Variants in GPC5 observed in about 807,000 individuals in gnomAD.
The protein encoded by GPC5 is glypican 5, also known as glypican-5.
A neutral mutation model predicts 53.9 loss-of-function variants in GPC5; 47 were observed. The observed-to-expected ratio is 0.87, with a 90% CI of 0.69 to 1.11. GPC5 has a LOEUF of 1.11. Ranked by LOEUF, GPC5 falls within the 50% of genes most tolerant of loss-of-function variation. GPC5 has a pLI of 0.00. For missense variants in GPC5, 748 were observed against 713.1 expected, an observed-to-expected ratio of 1.05 and a Z score of -0.56; for synonymous variants, 286 against 263.3, an observed-to-expected ratio of 1.09 and a Z score of -0.84.
At chr13:91,494,045 T>TA (rs1884095898) in intron 2 of GPC5, among the ~76,000 whole-genome samples, 1 of 151,612 alleles carries the variant, frequency 6.6e-6, no homozygotes. Context: ...GGCTAATTTT[T>TA]TTTTTATTTT....
intron 7 of GPC5, among the ~76,000 whole-genome samples, chr13:92,665,657 C>T (rs1192511713): frequency 6.6e-6 from 1 of 152,142 alleles, no homozygotes; most frequent in Non-Finnish European, 1.5e-5. Context: ...TACCATTGCT[C>T]TAAAAGGATG....
chr13:92,480,167 A>C (rs1879294563), intron 7 of GPC5, among the ~76,000 whole-genome samples: 1 of 152,142 alleles, frequency 6.6e-6, no homozygotes, highest in Admixed American at 6.6e-5. Flanking sequence ...AGAGTGAAAT[A>C]GAATCTTCAA....
chr13:92,729,653 T>C (rs1888748634), intron 7 of GPC5, among the ~76,000 whole-genome samples: 1 of 151,464 alleles, frequency 6.6e-6, no homozygotes, highest in African/African-American at 2.4e-5. Flanking sequence ...GCACCTAAGC[T>C]TTAGCAATTA....
intron 5 of GPC5, among the ~76,000 whole-genome samples, chr13:91,907,062 C>A (rs966294577): frequency 3.5e-5 from 5 of 143,552 alleles, no homozygotes; most frequent in African/African-American, 1.3e-4. Flanking sequence ...CATAACAGTG[C>A]CACAGAGGAT....
intron 7 of GPC5, among the ~76,000 whole-genome samples, chr13:92,783,611 G>T (rs1191343524): frequency 1.3e-5 from 2 of 152,058 alleles, no homozygotes; most frequent in Admixed American, 1.3e-4. Context: ...ATAATCAAAG[G>T]GCCAGAATCC....
chr13:92,013,964 T>A lies in GPC5; in HGVS notation c.1401+105907T>A, dbSNP rs1160990209. 3.3e-5 allele frequency among the ~76,000 whole-genome samples: 5 copies of A among 152,284 alleles called. No homozygotes were observed. In the East Asian group the frequency reaches 9.6e-4, roughly 29 times the overall value. On this transcript the variant is annotated intron_variant, in intron 6 of 7. Transcript: ENST00000377067. ...TTTTGCCATCAATTTAAGTAAGAGA[T>A]CATAGATATAGTGAAATCATGTTTC...
In GPC5 at chr13:91,991,891, G is replaced by A. The variant is rs568530856; in HGVS notation, c.1401+83834G>A. Among the ~76,000 whole-genome samples, 4 of 152,030 alleles carry A rather than the reference G, an allele frequency of 2.6e-5. No homozygotes were observed. The South Asian group carries it at 8.3e-4, about 32-fold the overall frequency. ...TTTATAAACATTAGTGTGTGGTTAG[G>A]AAATATGCTTTTTATTTCCAAATAA... On this transcript the variant is annotated intron_variant, in intron 6 of 7. Coordinates refer to ENST00000377067, the MANE Select transcript of GPC5 (RefSeq NM_004466.6).
chr13:92,150,919 T>C (rs1222021419), intron 7 of GPC5, among the ~76,000 whole-genome samples: 1 of 151,804 alleles, frequency 6.6e-6, no homozygotes, highest in Non-Finnish European at 1.5e-5. Flanking sequence ...CAAGCAAATA[T>C]TATCAGGTAA....
intron 7 of GPC5, among the ~76,000 whole-genome samples, chr13:92,762,241 T>C (rs1355639192): frequency 1.3e-5 from 2 of 152,024 alleles, no homozygotes; most frequent in African/African-American, 2.4e-5. Flanking sequence ...AAATACATAA[T>C]ATAAAATATG....
intron 5 of GPC5, among the ~76,000 whole-genome samples, chr13:91,840,237 A>AT (rs368487186): frequency 1.3e-5 from 2 of 151,646 alleles, no homozygotes; most frequent in Non-Finnish European, 1.5e-5. Context: ...CTCCTACTAG[A>AT]TTTAGAAGTT....
chr13:91,478,826 C>A, intron 2 of GPC5, among the ~76,000 whole-genome samples: 1 of 64,160 alleles, frequency 1.6e-5, no homozygotes, highest in East Asian at 6.0e-4. Context: ...TATATATACA[C>A]ACACACACAT....
intron 7 of GPC5, among the ~76,000 whole-genome samples, chr13:92,400,026 A>C (rs1875485979): frequency 6.6e-6 from 1 of 152,096 alleles, no homozygotes; most frequent in Non-Finnish European, 1.5e-5. Flanking sequence ...TCAAATTTGC[A>C]GTCAGCCCTG....
At chr13:92,432,053 G>T (rs1281861632) in intron 7 of GPC5, among the ~76,000 whole-genome samples, 1 of 152,156 alleles carries the variant, frequency 6.6e-6, no homozygotes, top group African/African-American at 2.4e-5. Flanking sequence ...CCTTTGGGAA[G>T]TAATTTGGTT....
intron 2 of GPC5, among the ~76,000 whole-genome samples, chr13:91,485,518 G>A (rs9589255): frequency 0.092 from 13,937 of 152,024 alleles, 798 homozygotes; most frequent in African/African-American, 0.16. Flanking sequence ...GCGCCCGGCC[G>A]GCCCTTCTTT....
intron 7 of GPC5, among the ~76,000 whole-genome samples, chr13:92,493,304 A>G (rs970075352): frequency 3.3e-5 from 5 of 152,232 alleles, no homozygotes; most frequent in Non-Finnish European, 5.9e-5. Flanking sequence ...ATTCGGAGAA[A>G]TTAGAAGATA....
At chr13:92,539,821 C>G (rs1381833097) in intron 7 of GPC5, among the ~76,000 whole-genome samples, 2 of 151,908 alleles carry the variant, frequency 1.3e-5, no homozygotes, top group African/African-American at 2.4e-5. Context: ...CTGGCTTAAA[C>G]ATTTTGAGAA....
chr13:91,954,777 T>C (rs1185824177), intron 6 of GPC5, among the ~76,000 whole-genome samples: 1 of 151,982 alleles, frequency 6.6e-6, no homozygotes, highest in Non-Finnish European at 1.5e-5. Context: ...AACCCAAAAA[T>C]GTAAGGATTA....
intron 7 of GPC5, among the ~76,000 whole-genome samples, chr13:92,677,760 G>A (rs1886994742): frequency 2.1e-5 from 3 of 146,194 alleles, no homozygotes; most frequent in Admixed American, 1.4e-4. Flanking sequence ...GCTGATGCCT[G>A]AAACCTGACG....
At chr13:91,582,999 T>G (rs978314586) in intron 2 of GPC5, among the ~76,000 whole-genome samples, 2 of 151,626 alleles carry the variant, frequency 1.3e-5, no homozygotes, top group African/African-American at 4.9e-5. Context: ...CAACTCCACC[T>G]CAAAAATAAA....
Sources: gnomAD v4.1 joint callset for allele counts (sites outside exome capture counted in the v4.1 genomes callset) on GRCh38, gnomAD v4.1.1 for gene constraint, MANE v1.5 for transcripts, NCBI Gene and HGNC (gene_info 2026-07-23, HGNC 2026-07-21) for gene names.